Variants in APBA2 observed in about 807,000 individuals in gnomAD.
APBA2 encodes amyloid-beta A4 precursor protein-binding family A member 2.
Under a neutral mutation model 75.0 loss-of-function variants are expected in APBA2, and 30 were observed. The observed-to-expected ratio is 0.40, with a 90% CI of 0.30 to 0.54. The LOEUF is 0.54. Among genes scored for constraint, APBA2 ranks in the 20% least tolerant of loss-of-function variants. The pLI is 0.49. For synonymous variants in APBA2, 444 were observed against 409.6 expected (o/e 1.08, Z -1.01); for missense variants, 801 against 1,016.1 (o/e 0.79, Z 2.88).
intron 6 of APBA2, among the ~76,000 whole-genome samples, chr15:29,090,701 C>T (rs1009556873): frequency 6.6e-6 from 1 of 152,170 alleles, no homozygotes; most frequent in Non-Finnish European, 1.5e-5. Flanking sequence ...AACAAAGTGA[C>T]GCCATCTAGT....
At chr15:29,114,724 G>A (rs2152985235) in intron 14 of APBA2, among the ~76,000 whole-genome samples, 1 of 151,876 alleles carries the variant, frequency 6.6e-6, no homozygotes, top group Admixed American at 6.6e-5. Context: ...GGGTGTATAG[G>A]GGTGCATGAG....
At chr15:29,013,759 C>A (rs2039521161) in intron 3 of APBA2, among the ~76,000 whole-genome samples, 1 of 152,158 alleles carries the variant, frequency 6.6e-6, no homozygotes, top group Non-Finnish European at 1.5e-5. Flanking sequence ...GTAAAACAGG[C>A]TTTTCAGTCT....
At chr15:28,948,668 T>C (rs923062076) in intron 2 of APBA2, among the ~76,000 whole-genome samples, 11 of 152,228 alleles carry the variant, frequency 7.2e-5, no homozygotes, top group Non-Finnish European at 1.5e-4. Flanking sequence ...TTTGTGGTCT[T>C]ACTGTACCTG....
chr15:28,904,822 T>G (rs2033057167), intron 1 of APBA2, among the ~76,000 whole-genome samples: 3 of 152,020 alleles, frequency 2.0e-5, no homozygotes, highest in Non-Finnish European at 4.4e-5. Context: ...GGGAAGCCCG[T>G]GGAGAATTTT....
At chr15:28,967,674 A>G (rs2036813739) in intron 2 of APBA2, among the ~76,000 whole-genome samples, 1 of 152,200 alleles carries the variant, frequency 6.6e-6, no homozygotes, top group Admixed American at 6.5e-5. Context: ...TCCTAACCTC[A>G]TGATCCACCC....
intron 2 of APBA2, among the ~76,000 whole-genome samples, chr15:28,983,267 G>T (rs959809917): frequency 6.6e-6 from 1 of 152,156 alleles, no homozygotes; most frequent in Non-Finnish European, 1.5e-5. Flanking sequence ...CATGTAAGGT[G>T]GTCCTTGTCT....
chr15:28,998,296 A>G (rs1325871206), intron 3 of APBA2, among the ~76,000 whole-genome samples: 1 of 151,526 alleles, frequency 6.6e-6, no homozygotes, highest in Non-Finnish European at 1.5e-5. Context: ...GTGCATAATG[A>G]AATATATAAA....
chr15:29,104,761 C>G (rs1308709874), intron 10 of APBA2, among the ~76,000 whole-genome samples: 1 of 152,158 alleles, frequency 6.6e-6, no homozygotes, highest in Non-Finnish European at 1.5e-5. Context: ...CACTGAAAGT[C>G]CATTTTCGGC....
chr15:29,080,434 C>A lies in APBA2; in HGVS notation c.1069+4343C>A, dbSNP rs1164361908. ...GCGTTCCAGATGCCAGAGCTCCTGG[C>A]CTTGTCAGGCGCAGGATCACAGCCT... is the stretch of plus-strand genomic sequence containing the variant. On this transcript the variant is annotated intron_variant, in intron 6 of 14. Coordinates refer to ENST00000683413, the MANE Select transcript of APBA2 (RefSeq NM_001353788.2). Among the ~76,000 whole-genome samples the A allele has an allele frequency of 2.6e-5, 4 of 152,112 alleles. No individual in the cohort carries two copies. The East Asian group carries it at 7.7e-4, about 29-fold the overall frequency.
At chr15:28,985,685 A>G (rs113929793) in intron 2 of APBA2, among the ~76,000 whole-genome samples, 160 of 152,366 alleles carry the variant, frequency 1.1e-3, no homozygotes, top group Middle Eastern at 3.4e-3. Flanking sequence ...GTAGTTCCAC[A>G]GCGGATCTTC....
intron 6 of APBA2, among the ~76,000 whole-genome samples, chr15:29,079,455 A>G (rs1265110057): frequency 6.6e-6 from 1 of 152,212 alleles, no homozygotes; most frequent in Non-Finnish European, 1.5e-5. Context: ...TAGAAGACCC[A>G]GAAGCCTCTT....
intron 3 of APBA2, among the ~76,000 whole-genome samples, chr15:29,052,574 TGCCTCTA>T (rs1163975755): frequency 2.0e-5 from 3 of 152,096 alleles, no homozygotes; most frequent in Admixed American, 6.5e-5. Context: ...CTGGTCTCCC[TGCCTCTA>T]GCCTCTAGCC....
intron 8 of APBA2, among the ~76,000 whole-genome samples, chr15:29,094,798 A>C (rs773743967): frequency 1.3e-5 from 2 of 152,082 alleles, no homozygotes; most frequent in South Asian, 4.1e-4. Context: ...TGTGGCTCAC[A>C]CATGTAATCC....
At chr15:28,915,266 C>T (rs2033634097) in intron 1 of APBA2, among the ~76,000 whole-genome samples, 6 of 152,170 alleles carry the variant, frequency 3.9e-5, no homozygotes, top group East Asian at 3.9e-4. Flanking sequence ...ACACATAGCC[C>T]ATACACACCA....
intron 2 of APBA2, among the ~76,000 whole-genome samples, chr15:28,982,845 C>G (rs529575531): frequency 6.6e-6 from 1 of 152,328 alleles, no homozygotes; most frequent in South Asian, 2.1e-4. Context: ...GTCCAGCCTG[C>G]TCTATAGAAG....
rs1029327102 is a variant in APBA2 at position 29,107,896 on chromosome 15, C to T, written c.1918-374C>T. 2.6e-5 allele frequency among the ~76,000 whole-genome samples: 4 copies of T among 152,194 alleles called. No individual in the cohort carries two copies. In the South Asian group the frequency reaches 6.2e-4, roughly 24 times the overall value. On this transcript the variant is annotated intron_variant, in intron 12 of 14. Coordinates refer to ENST00000683413, the MANE Select transcript of APBA2 (RefSeq NM_001353788.2). ...CACATCCTTCCGTAGGAAGCTGTCC[C>T]GAATTCGGCATGATGATGGCCCCCT...
chr15:28,982,548 G>A (rs75725606), intron 2 of APBA2, among the ~76,000 whole-genome samples: 5,034 of 152,272 alleles, frequency 0.033, 296 homozygotes, highest in African/African-American at 0.11. Context: ...TTCATCCTAA[G>A]GCTGGTTCAG....
chr15:28,994,248 C>A (rs1318344319), intron 2 of APBA2, among the ~76,000 whole-genome samples: 1 of 152,164 alleles, frequency 6.6e-6, no homozygotes, highest in African/African-American at 2.4e-5. Context: ...ATGAAACTGA[C>A]AGAGATGGTG....
intron 1 of APBA2, among the ~76,000 whole-genome samples, chr15:28,917,311 A>G (rs193027646): frequency 6.6e-6 from 1 of 152,286 alleles, no homozygotes; most frequent in Admixed American, 6.5e-5. Flanking sequence ...TGGTACCCAG[A>G]GCCTGATGGC....
Sources: gnomAD v4.1 joint callset for allele counts (sites outside exome capture counted in the v4.1 genomes callset) on GRCh38, gnomAD v4.1.1 for gene constraint, MANE v1.5 for transcripts, NCBI Gene and HGNC (gene_info 2026-07-23, HGNC 2026-07-21) for gene names.